KDM4C: variants seen among roughly 807,000 people sequenced by gnomAD.
KDM4C encodes the protein lysine demethylase 4C, also known as lysine-specific demethylase 4C.
In KDM4C, 81 loss-of-function variants were observed where a neutral mutation model predicts 129.3. The observed-to-expected ratio is 0.63, with a 90% confidence interval of 0.52 to 0.75. The LOEUF is 0.75. Among genes scored for constraint, KDM4C ranks in the 30% least tolerant of loss-of-function variants. The pLI is 0.00. For synonymous variants in KDM4C, 573 were observed against 456.1 expected, an observed-to-expected ratio of 1.26 and a Z score of -3.26; for missense variants, 1,457 against 1,304.0, an observed-to-expected ratio of 1.12 and a Z score of -1.81.
intron 4 of KDM4C, among the ~76,000 whole-genome samples, chr9:6,842,612 G>A (rs1404543062): frequency 2.0e-5 from 3 of 151,598 alleles, no homozygotes; most frequent in East Asian, 1.9e-4. Context: ...CTGGGATTAC[G>A]GACGTGAGCT....
chr9:6,742,802 C>T (rs768179666), intron 1 of KDM4C, among the ~76,000 whole-genome samples: 4 of 151,944 alleles, frequency 2.6e-5, no homozygotes, highest in Non-Finnish European at 5.9e-5. Flanking sequence ...GCTCCCTCTC[C>T]TTCCTTGGGG....
intron 17 of KDM4C, among the ~76,000 whole-genome samples, chr9:7,075,306 T>C (rs902315730): frequency 6.6e-6 from 1 of 152,222 alleles, no homozygotes; most frequent in Non-Finnish European, 1.5e-5. Flanking sequence ...TGTTTCATCT[T>C]CTATGGTTTC....
chr9:7,099,906 T>A (rs1008074019), intron 17 of KDM4C, among the ~76,000 whole-genome samples: 3 of 151,802 alleles, frequency 2.0e-5, no homozygotes, highest in South Asian at 4.1e-4. Flanking sequence ...TTTTATTTTT[T>A]AATTTAATTT....
At chr9:6,958,022 A>G (rs1222427789) in intron 8 of KDM4C, among the ~76,000 whole-genome samples, 1 of 151,892 alleles carries the variant, frequency 6.6e-6, no homozygotes, top group African/African-American at 2.4e-5. Context: ...TCCGAGGGAG[A>G]GAACAATTGT....
chr9:6,814,597 T>A, intron 3 of KDM4C, 34 bp from the exon 4 acceptor site: 1 of 1,339,638 alleles, frequency 7.5e-7, no homozygotes. Flanking sequence ...ACTGACTTAC[T>A]GGTTTGTACA....
At chr9:6,911,699 A>C (rs1173717795) in intron 8 of KDM4C, among the ~76,000 whole-genome samples, 2 of 152,226 alleles carry the variant, frequency 1.3e-5, no homozygotes, top group Non-Finnish European at 2.9e-5. Flanking sequence ...ATTATATCTA[A>C]AAACTTAATT....
chr9:6,818,422 C>G (rs1434700745), intron 4 of KDM4C, among the ~76,000 whole-genome samples: 3 of 152,094 alleles, frequency 2.0e-5, no homozygotes, highest in Non-Finnish European at 1.5e-5. Flanking sequence ...TTAGATGTTG[C>G]CCATAGGCAG....
intron 19 of KDM4C, among the ~76,000 whole-genome samples, chr9:7,137,189 T>C (rs1409088133): frequency 6.6e-6 from 1 of 152,208 alleles, no homozygotes; most frequent in Non-Finnish European, 1.5e-5. Context: ...GCGCACCTGC[T>C]GGTCCCCTGT....
chr9:7,160,956 T>C (rs1434523308), intron 19 of KDM4C, among the ~76,000 whole-genome samples: 1 of 100,872 alleles, frequency 9.9e-6, no homozygotes, highest in Non-Finnish European at 2.2e-5. Context: ...CTAGAGGCAG[T>C]GGGCCTTGTT....
intron 15 of KDM4C, among the ~76,000 whole-genome samples, chr9:7,040,632 T>C (rs864696): frequency 0.24 from 35,638 of 151,538 alleles, 4,321 homozygotes; most frequent in Middle Eastern, 0.33. Flanking sequence ...TATTTTTCCT[T>C]TTTTTTTAAA....
At chr9:6,893,286 T>C (rs1846362239) in intron 8 of KDM4C, 54 bp downstream of exon 8, 5 of 1,462,154 alleles carry the variant, frequency 3.4e-6, no homozygotes, top group Non-Finnish European at 4.7e-6. Context: ...CTGGTTATTT[T>C]AGTAGGAACC....
intron 17 of KDM4C, among the ~76,000 whole-genome samples, chr9:7,097,383 C>T (rs1836563034): frequency 6.6e-6 from 1 of 152,184 alleles, no homozygotes. Flanking sequence ...TTCTTGGGAG[C>T]CATCAGGTTG....
At chr9:6,977,821 C>T (rs1418424286) in intron 8 of KDM4C, among the ~76,000 whole-genome samples, 2 of 152,064 alleles carry the variant, frequency 1.3e-5, no homozygotes, top group African/African-American at 4.8e-5. Flanking sequence ...CAATCCCCCA[C>T]AAGTCTGGGA....
chr9:7,100,984 TC>T (rs1165973829), intron 17 of KDM4C, among the ~76,000 whole-genome samples: 1 of 152,186 alleles, frequency 6.6e-6, no homozygotes, highest in Non-Finnish European at 1.5e-5. Context: ...CATGTTCTGG[TC>T]CTCTGATGGC....
At position 7,146,007 on chromosome 9, in the gene KDM4C, C is replaced by G. The variant is rs919176716; in HGVS notation, c.2781+17771C>G. ...TCTGGCTAGTGCAAGCATGACGGCT[C>G]TTTGTTCCTTTGATCTGGACATTGA... On this transcript the variant is annotated intron_variant, in intron 19 of 21. Coordinates refer to ENST00000381309, the MANE Select transcript of KDM4C (RefSeq NM_015061.6). Among the ~76,000 whole-genome samples, 3 of 152,348 alleles carry G rather than the reference C, an allele frequency of 2.0e-5. 1 individual carries two copies. The highest frequency in any genetic ancestry group is 2.4e-5 in the African/African-American group (1 of 41,578).
chr9:6,811,219 T>C lies in KDM4C; in HGVS notation c.321-3412T>C, dbSNP rs527330320. 6.6e-5 allele frequency among the ~76,000 whole-genome samples: 10 copies of C among 152,242 alleles called. No homozygotes were observed. The East Asian group carries it at 1.7e-3, about 26-fold the overall frequency. Reference sequence around the variant, plus strand: ...CCCAGGATGGAGTGCAGTGGCGTGATCTCGGCTCACTGCAACCTCCGCCTG... The same window carrying C: ...CCCAGGATGGAGTGCAGTGGCGTGACCTCGGCTCACTGCAACCTCCGCCTG... On this transcript the variant is annotated intron_variant, in intron 3 of 21. Coordinates refer to ENST00000381309, the MANE Select transcript of KDM4C (RefSeq NM_015061.6).
chr9:6,726,650 A>C (rs892870532), intron 1 of KDM4C: 1 of 152,202 alleles, frequency 6.6e-6, no homozygotes, highest in East Asian at 1.9e-4. Context: ...TCCTCCTCCA[A>C]GGTTACCTCC....
chr9:6,961,995 C>T (rs1830129127), intron 8 of KDM4C, among the ~76,000 whole-genome samples: 2 of 152,182 alleles, frequency 1.3e-5, no homozygotes, highest in South Asian at 2.1e-4. Flanking sequence ...GCTACTGGGT[C>T]GGTTATGCTT....
intron 1 of KDM4C, among the ~76,000 whole-genome samples, chr9:6,773,939 A>G (rs1202156811): frequency 7.2e-5 from 11 of 151,792 alleles, no homozygotes; most frequent in Non-Finnish European, 1.2e-4. Context: ...TTATTTGTTT[A>G]TTTATTTTTG....
Sources: gnomAD v4.1 joint callset for allele counts (sites outside exome capture counted in the v4.1 genomes callset) on GRCh38, gnomAD v4.1.1 for gene constraint, MANE v1.5 for transcripts, NCBI Gene and HGNC (gene_info 2026-07-23, HGNC 2026-07-21) for gene names.